The following GRIP1 variants were observed in gnomAD, a reference collection of about 807,000 sequenced individuals.
GRIP1 encodes the protein glutamate receptor-interacting protein 1.
Under a neutral mutation model 129.9 loss-of-function variants are expected in GRIP1, and 45 were observed. The ratio of observed to expected loss-of-function variants is 0.35; its 90% CI spans 0.27 to 0.44. The LOEUF is 0.44. GRIP1 is among the 20% of genes least tolerant of loss of function. The pLI, the probability that GRIP1 is intolerant of heterozygous loss-of-function variation, is 1.00. For missense variants in GRIP1, 1,196 were observed against 1,396.8 expected (o/e 0.86, Z 2.29); for synonymous variants, 530 against 520.8 (o/e 1.02, Z -0.24).
At chr12:66,486,666 C>A (rs1389039214) in intron 7 of GRIP1, among the ~76,000 whole-genome samples, 1 of 152,184 alleles carries the variant, frequency 6.6e-6, no homozygotes, top group Non-Finnish European at 1.5e-5. Flanking sequence ...AAGGCTTCCC[C>A]AGCTACATGG....
At position 66,639,475 on chromosome 12, in the gene GRIP1, G is replaced by A. The variant is rs113665391; in HGVS notation, c.55+39375C>T. ...TGGATGGGTGAGGGAGAAAATCAGG[G>A]ACCAATTACAGCAAAGTGGGAGGAG... is the stretch of plus-strand genomic sequence containing the variant. On this transcript the variant is annotated intron_variant, in intron 1 of 24. Coordinates refer to ENST00000359742, the MANE Select transcript of GRIP1 (RefSeq NM_001366722.1). Among the ~76,000 whole-genome samples, 1,355 of 152,246 alleles carry A rather than the reference G, an allele frequency of 8.9e-3. 20 individuals are homozygous for A. Among genetic ancestry groups the A allele is most frequent in the African/African-American group, 0.03 (1,249 of 41,532 alleles).
At chr12:66,550,003 T>A (rs2062073127) in intron 2 of GRIP1, among the ~76,000 whole-genome samples, 1 of 152,198 alleles carries the variant, frequency 6.6e-6, no homozygotes, top group Admixed American at 6.5e-5. Context: ...ACAGAGATGT[T>A]GACTGTTTTT....
intron 23 of GRIP1, among the ~76,000 whole-genome samples, chr12:66,354,066 C>T (rs1305631189): frequency 6.6e-6 from 1 of 152,174 alleles, no homozygotes; most frequent in Non-Finnish European, 1.5e-5. Context: ...TCTGGAACCC[C>T]CAATGAGCAC....
intron 14 of GRIP1, among the ~76,000 whole-genome samples, chr12:66,423,942 C>G (rs1388897140): frequency 2.0e-5 from 3 of 152,136 alleles, no homozygotes; most frequent in Non-Finnish European, 4.4e-5. Flanking sequence ...CAACTGAAAG[C>G]CTGACAAAAA....
intron 1 of GRIP1, among the ~76,000 whole-genome samples, chr12:66,868,507 C>A (rs1034472933): frequency 3.5e-4 from 53 of 152,016 alleles, no homozygotes; most frequent in Non-Finnish European, 1.0e-4. Flanking sequence ...CCCACAGAGA[C>A]ACAAAATGAC....
chr12:66,372,171 A>C (rs926306764), intron 22 of GRIP1: 1 of 581,572 alleles, frequency 1.7e-6, no homozygotes, highest in African/African-American at 1.9e-5. Context: ...TTATTTAATC[A>C]AATACCACCC....
At chr12:66,439,664 A>G (rs1457212499) in intron 13 of GRIP1, among the ~76,000 whole-genome samples, 1 of 152,224 alleles carries the variant, frequency 6.6e-6, no homozygotes, top group African/African-American at 2.4e-5. Flanking sequence ...TAAGAATTAA[A>G]CAATTTGATG....
chr12:66,620,054 A>G (rs1341722826), intron 1 of GRIP1, among the ~76,000 whole-genome samples: 1 of 152,180 alleles, frequency 6.6e-6, no homozygotes, highest in African/African-American at 2.4e-5. Flanking sequence ...CAGATAATAT[A>G]TGGAGATCAA....
intron 2 of GRIP1, among the ~76,000 whole-genome samples, chr12:66,577,850 A>G (rs2063196283): frequency 6.6e-6 from 1 of 152,166 alleles, no homozygotes; most frequent in African/African-American, 2.4e-5. Flanking sequence ...TGCTACTCGG[A>G]TGCTGAAGTG....
intron 1 of GRIP1, among the ~76,000 whole-genome samples, chr12:66,619,403 G>C (rs1248636748): frequency 6.6e-6 from 1 of 152,102 alleles, no homozygotes; most frequent in Non-Finnish European, 1.5e-5. Flanking sequence ...CATAAGGAAA[G>C]AGAGCCATTA....
Position 66,543,910 on chromosome 12 carries a change from TA to T in GRIP1, c.137-1961del, listed in dbSNP as rs1210711520. ...TCCAATTTTCATGAAGAAGCAACTC[TA>T]AAATACTAACACCAGGCATGTGAGA... is the stretch of plus-strand genomic sequence containing the variant. On this transcript the variant is annotated intron_variant, in intron 2 of 24. Coordinates refer to ENST00000359742, the MANE Select transcript of GRIP1 (RefSeq NM_001366722.1). 3.3e-5 allele frequency among the ~76,000 whole-genome samples: 5 copies of T among 152,260 alleles called. No individual in the cohort carries two copies. In the East Asian group the frequency reaches 5.8e-4, roughly 18 times the overall value.
At chr12:66,471,909 T>C (rs139237815) in intron 7 of GRIP1, among the ~76,000 whole-genome samples, 39 of 152,312 alleles carry the variant, frequency 2.6e-4, no homozygotes, top group African/African-American at 8.9e-4. Context: ...GATCCCAGGG[T>C]CAACAGACTG....
At chr12:66,792,069 A>AG (rs2038555573) in intron 1 of GRIP1, among the ~76,000 whole-genome samples, 1 of 152,284 alleles carries the variant, frequency 6.6e-6, no homozygotes, top group Non-Finnish European at 1.5e-5. Flanking sequence ...ACTTTTGAGG[A>AG]GAAAAATAGA....
rs1354828605 is a variant in GRIP1 at position 66,445,400 on chromosome 12, T to C, written c.1463A>G (p.Gln488Arg). ...DPVTGFGIQL[Q>R]GSVFATETLS... The stretch of plus-strand genomic sequence containing the variant: ...AGTTTCTGTGGCAAACACACTGCCC[T>C]GCAGTTGGATCCCAAATCCTGTGAC... Residue 488 changes from glutamine to arginine, a missense_variant, in exon 12 of 25, where the codon CAG becomes CGG. Physicochemically the swap from Gln to Arg is conservative, Grantham distance 43 (BLOSUM62 1). Around this residue, in one of 5 missense-constraint regions of GRIP1, gnomAD observed 508 missense variants for 587.0 expected, o/e 0.87. Transcript: ENST00000359742. The C allele has an allele frequency of 8.7e-6, 14 of 1,614,006 alleles. No homozygotes were observed. Among genetic ancestry groups the C allele is most frequent in the Non-Finnish European group, 9.3e-6 (11 of 1,179,920 alleles).
chr12:67,041,880 C>T (rs557652969), intron 1 of GRIP1, among the ~76,000 whole-genome samples: 1 of 152,144 alleles, frequency 6.6e-6, no homozygotes, highest in South Asian at 2.1e-4. Context: ...TAATGTTAGC[C>T]ACATGATTAT....
Position 66,347,809 on chromosome 12 carries a change from C to CTAAG in GRIP1, c.*1206_*1209dup, listed in dbSNP as rs1443561079. On this transcript the variant is annotated 3_prime_UTR_variant, in exon 25 of 25. Coordinates refer to ENST00000359742, the MANE Select transcript of GRIP1 (RefSeq NM_001366722.1). Reference sequence around the variant, plus strand: ...AGGACACAGTGTTCGAATACTTTGCCTAAGTGGTAGTTTGAATTATTGACC... The same window carrying CTAAG: ...AGGACACAGTGTTCGAATACTTTGCCTAAGTAAGTGGTAGTTTGAATTATTGACC... The CTAAG allele has an allele frequency of 1.6e-4, 24 of 152,028 alleles. No individual in the cohort carries two copies. The highest frequency in any genetic ancestry group is 5.8e-4 in the African/African-American group (24 of 41,476). The allele number at this position is 152,028 out of a possible 1,614,324, so 9.4% of individuals were successfully genotyped here. A position where few individuals can be genotyped will look rare whatever the true frequency, so the allele number is the denominator to read the frequency against.
chr12:66,680,891 C>T (rs1184284254), upstream of GRIP1, among the ~76,000 whole-genome samples: 2 of 152,148 alleles, frequency 1.3e-5, no homozygotes, highest in Non-Finnish European at 2.9e-5. Flanking sequence ...TGCTATTTTG[C>T]AGACTCAAAT....
chr12:66,856,345 T>C (rs1176840561), intron 1 of GRIP1, among the ~76,000 whole-genome samples: 1 of 152,034 alleles, frequency 6.6e-6, no homozygotes, highest in Non-Finnish European at 1.5e-5. Context: ...CCAAAAGCAA[T>C]GGCAACAGAA....
chr12:66,904,126 T>C lies in GRIP1; in HGVS notation c.58+164924A>G, dbSNP rs376904300. Among the ~76,000 whole-genome samples, 22 of 152,338 alleles carry C rather than the reference T, an allele frequency of 1.4e-4. No individual in the cohort carries two copies. The South Asian group carries it at 4.3e-3, about 30-fold the overall frequency. On this transcript the variant is annotated intron_variant, in intron 1 of 1. Transcript: ENST00000643019. Reference sequence around the variant, plus strand: ...TTTAATAGCAGGTTCATACCCTTTATATAACAAATACTGTAATGTGCCACT... The same window carrying C: ...TTTAATAGCAGGTTCATACCCTTTACATAACAAATACTGTAATGTGCCACT...
Sources: gnomAD v4.1 joint callset for allele counts (sites outside exome capture counted in the v4.1 genomes callset) on GRCh38, gnomAD v4.1.1 for gene constraint, gnomAD v4.1.1 regional missense constraint, MANE v1.5 for transcripts, NCBI Gene and HGNC (gene_info 2026-07-23, HGNC 2026-07-21) for gene names.